BANK1: variants seen among roughly 807,000 people sequenced by gnomAD.
BANK1 encodes B-cell scaffold protein with ankyrin repeats.
In BANK1, 95 loss-of-function variants were observed where a neutral mutation model predicts 94.5. The ratio of observed to expected loss-of-function variants is 1.00; its 90% CI spans 0.85 to 1.19. The LOEUF is 1.19. BANK1 is among the 50% of genes most tolerant of loss of function. BANK1 has a pLI of 0.00. For missense variants in BANK1, 987 were observed against 932.2 expected (o/e 1.06, Z -0.77); for synonymous variants, 334 against 308.4 (o/e 1.08, Z -0.87).
intron 11 of BANK1, among the ~76,000 whole-genome samples, chr4:102,045,374 C>T (rs1199814931): frequency 6.6e-6 from 1 of 152,088 alleles, no homozygotes; most frequent in East Asian, 1.9e-4. Context: ...CCTTTGAAAA[C>T]TGGCACAAGA....
At chr4:101,866,030 G>C (rs569501457) in intron 4 of BANK1, among the ~76,000 whole-genome samples, 1 of 152,120 alleles carries the variant, frequency 6.6e-6, no homozygotes, top group Admixed American at 6.6e-5. Flanking sequence ...ACATTGCAAG[G>C]CATTCCTAAA....
intron 1 of BANK1, among the ~76,000 whole-genome samples, chr4:101,823,576 C>A (rs1038900590): frequency 6.6e-6 from 1 of 152,062 alleles, no homozygotes; most frequent in African/African-American, 2.4e-5. Context: ...TATGAATGGG[C>A]CAACTAGACA....
chr4:101,857,667 C>T (rs1560604290), intron 3 of BANK1, among the ~76,000 whole-genome samples: 1 of 152,166 alleles, frequency 6.6e-6, no homozygotes, highest in Non-Finnish European at 1.5e-5. Context: ...AATTATGTGC[C>T]ACTTCTCAAA....
chr4:101,873,818 G>T (rs1728390623), intron 5 of BANK1, among the ~76,000 whole-genome samples: 1 of 152,142 alleles, frequency 6.6e-6, no homozygotes, highest in Non-Finnish European at 1.5e-5. Flanking sequence ...GAATTGAAGT[G>T]CTAGTGTTAG....
intron 7 of BANK1, among the ~76,000 whole-genome samples, chr4:101,947,733 T>C (rs1285612786): frequency 6.6e-6 from 1 of 152,014 alleles, no homozygotes; most frequent in Non-Finnish European, 1.5e-5. Context: ...CCACTGACCT[T>C]TGTTCTCCAA....
intron 5 of BANK1, among the ~76,000 whole-genome samples, chr4:101,886,043 T>C (rs13111489): frequency 0.075 from 11,481 of 152,302 alleles, 642 homozygotes; most frequent in Admixed American, 0.19. Context: ...AGCTCTGTTA[T>C]AATTTGGGAC....
intron 6 of BANK1, among the ~76,000 whole-genome samples, chr4:101,898,812 C>T (rs953827706): frequency 6.6e-6 from 1 of 151,928 alleles, no homozygotes; most frequent in Non-Finnish European, 1.5e-5. Context: ...TTATTCCTCT[C>T]TAGACAATAC....
Position 101,877,876 on chromosome 4 carries a change from C to G in BANK1, c.903+7232C>G, listed in dbSNP as rs998273687. Among the ~76,000 whole-genome samples the G allele has an allele frequency of 3.9e-5, 6 of 152,170 alleles. 1 individual carries two copies. The highest frequency in any genetic ancestry group is 1.9e-4 in the East Asian group (1 of 5,196). ...CTCCAGCCTGGGTGACCAAGCAAGA[C>G]TCTGTCTCTAAATAAATAAATAAAA... On this transcript the variant is annotated intron_variant, in intron 5 of 16. Coordinates refer to ENST00000322953, the MANE Select transcript of BANK1 (RefSeq NM_017935.5).
chr4:101,997,366 A>T (rs1337918291), intron 7 of BANK1, among the ~76,000 whole-genome samples: 2 of 152,174 alleles, frequency 1.3e-5, no homozygotes, highest in Non-Finnish European at 2.9e-5. Flanking sequence ...ACTGATGTTC[A>T]TCAGTGATAT....
At position 101,862,797 on chromosome 4, in the gene BANK1, A is replaced by G. The variant is rs920752214; in HGVS notation, c.763+133A>G. ...GGTGTTTCCTGTGTTTAGTTTTCAC[A>G]TACCCAAGGTTGTTATTATTAATCT... On this transcript the variant is annotated intron_variant, in intron 4 of 16. Coordinates refer to ENST00000322953, the MANE Select transcript of BANK1 (RefSeq NM_017935.5). 4.3e-5 allele frequency: 40 copies of G among 931,686 alleles called. 1 individual carries two copies. Among genetic ancestry groups the G allele is most frequent in the Non-Finnish European group, 5.2e-5 (35 of 669,984 alleles). The allele number at this position is 931,686 out of a possible 1,614,324, so 57.7% of individuals were successfully genotyped here.
Position 102,062,893 on chromosome 4 carries a change from C to G in BANK1, c.2149-182C>G, listed in dbSNP as rs1728465302. On this transcript the variant is annotated intron_variant, in intron 12 of 16. Transcript: ENST00000322953. ...GAATGACGACATTTTACATCCACTT[C>G]ATTAAGCTGTGAGAATTAAGTAAGA... 9.0e-6 allele frequency: 5 copies of G among 557,940 alleles called. No homozygotes were observed. In the South Asian group the frequency reaches 1.2e-4, roughly 13 times the overall value. The allele number at this position is 557,940 out of a possible 1,614,324, so 34.6% of individuals were successfully genotyped here. A position where few individuals can be genotyped will look rare whatever the true frequency, so the allele number is the denominator to read the frequency against.
rs374171031 is a variant in BANK1, at chr4:101,983,987, T to C, written c.1207-37527T>C. The stretch of plus-strand genomic sequence containing the variant: ...AGAGCCAATCATAATATGTTCTGAC[T>C]GTATTAAATCACAATGTTTACATAG... On this transcript the variant is annotated intron_variant, in intron 7 of 16. Coordinates refer to ENST00000322953, the MANE Select transcript of BANK1 (RefSeq NM_017935.5). Among the ~76,000 whole-genome samples, 6 of 152,164 alleles carry C rather than the reference T, an allele frequency of 3.9e-5. No individual in the cohort carries two copies. In the South Asian group the frequency reaches 6.2e-4, roughly 16 times the overall value.
intron 1 of BANK1, among the ~76,000 whole-genome samples, chr4:101,820,364 T>A (rs115412077): frequency 0.011 from 1,686 of 152,340 alleles, 42 homozygotes; most frequent in African/African-American, 0.039. Context: ...TAACTCTAGT[T>A]ACTGATTCAA....
intron 7 of BANK1, among the ~76,000 whole-genome samples, chr4:101,926,509 C>T (rs977053543): frequency 1.3e-5 from 2 of 151,674 alleles, no homozygotes; most frequent in South Asian, 2.1e-4. Flanking sequence ...ATTGACTCAA[C>T]GAATATTTAT....
At chr4:101,807,203 C>T (rs1335358403) in intron 1 of BANK1, among the ~76,000 whole-genome samples, 1 of 152,112 alleles carries the variant, frequency 6.6e-6, no homozygotes. Context: ...TCTACCTGTC[C>T]TCTTGTACAA....
chr4:101,908,205 G>A (rs1722532256), intron 6 of BANK1, among the ~76,000 whole-genome samples: 1 of 152,142 alleles, frequency 6.6e-6, no homozygotes, highest in South Asian at 2.1e-4. Flanking sequence ...TACCAAAACA[G>A]AGATATAGAC....
intron 2 of BANK1, among the ~76,000 whole-genome samples, chr4:101,837,741 G>A (rs1726883292): frequency 6.6e-6 from 1 of 152,068 alleles, no homozygotes; most frequent in Non-Finnish European, 1.5e-5. Context: ...AAAATGGTTA[G>A]TAAACATTTA....
intron 2 of BANK1, among the ~76,000 whole-genome samples, chr4:101,849,214 C>T (rs988056661): frequency 2.6e-5 from 4 of 152,120 alleles, no homozygotes; most frequent in Non-Finnish European, 5.9e-5. Flanking sequence ...ACTCTTAATC[C>T]GCTTCTTCCA....
intron 11 of BANK1, among the ~76,000 whole-genome samples, chr4:102,044,510 A>AT (rs2148956660): frequency 6.9e-6 from 1 of 145,700 alleles, no homozygotes; most frequent in South Asian, 2.3e-4. Flanking sequence ...ATGTGTCTTT[A>AT]TAGCAGCATG....
Sources: allele counts gnomAD v4.1 joint callset (sites outside exome capture counted in the v4.1 genomes callset), GRCh38; gene constraint gnomAD v4.1.1; transcripts MANE v1.5; gene names NCBI Gene and HGNC (gene_info 2026-07-23, HGNC 2026-07-21).